Variants in TRERF1 observed in about 807,000 individuals in gnomAD.
TRERF1 encodes the protein transcriptional-regulating factor 1.
TRERF1 carries 27 observed loss-of-function variants against 122.9 expected under a neutral mutation model. That is an observed-to-expected ratio of 0.22 (90% confidence interval 0.16 to 0.30). The LOEUF (loss-of-function observed/expected upper bound fraction) is 0.30, where lower values mean the gene tolerates loss of function less well. TRERF1 is among the 10% of genes least tolerant of loss of function. The probability of loss-of-function intolerance (pLI) is 1.00; values close to 1 mark genes in which losing one functional copy is unlikely to be tolerated. For missense variants in TRERF1, 1,248 were observed against 1,560.3 expected (o/e 0.80, Z 3.37); for synonymous variants, 636 against 641.7 (o/e 0.99, Z 0.13).
chr6:42,360,770 T>TAAAAAAAAAAAAAAAAAAAAAAA lies in TRERF1; in HGVS notation c.-371+2226_-371+2227insTTTTTTTTTTTTTTTTTTTTTTT, dbSNP rs1491517636. 4.7e-5 allele frequency among the ~76,000 whole-genome samples: 3 copies of TAAAAAAAAAAAAAAAAAAAAAAA among 64,046 alleles called. 1 individual carries two copies. The highest frequency in any genetic ancestry group is 1.4e-4 in the African/African-American group (3 of 21,586). The allele number at this position is 64,046 out of a possible 152,430, so 42.0% of individuals were successfully genotyped here. ...ACCCAGGGAGGAAGGAGTGGAGAGA[T>TAAAAAAAAAAAAAAAAAAAAAAA]TAAAAAAAAAAAAAAAAAAAAAAAA... On this transcript the variant is annotated intron_variant, in intron 3 of 17. Transcript: ENST00000372922.
intron 4 of TRERF1, among the ~76,000 whole-genome samples, chr6:42,300,322 A>AT (rs1417118927): frequency 6.6e-6 from 1 of 151,964 alleles, no homozygotes; most frequent in Non-Finnish European, 1.5e-5. Flanking sequence ...TGTCTCAGAG[A>AT]TTTTTTCATT....
At position 42,380,656 on chromosome 6, in the gene TRERF1, AC is replaced by A. The variant is rs1471706585; in HGVS notation, c.-453-17578del. Among the ~76,000 whole-genome samples, 3 of 152,060 alleles carry A rather than the reference AC, an allele frequency of 2.0e-5. No individual in the cohort carries two copies. In the East Asian group the frequency reaches 5.8e-4, roughly 29 times the overall value. ...TTCAAGAAGCCCCCAGCAATTCCCC[AC>A]CGCCTGCCCCACCTTATAGCAATTT... is the stretch of plus-strand genomic sequence containing the variant. On this transcript the variant is annotated intron_variant, in intron 2 of 17. Transcript: ENST00000372922.
At chr6:42,251,299 T>C (rs1466215679) in intron 13 of TRERF1, among the ~76,000 whole-genome samples, 1 of 152,136 alleles carries the variant, frequency 6.6e-6, no homozygotes, top group African/African-American at 2.4e-5. Context: ...CCTGGACCCA[T>C]TGATGATGTT....
intron 4 of TRERF1, among the ~76,000 whole-genome samples, chr6:42,290,785 C>CATAATTGCA (rs1784193503): frequency 1.8e-5 from 2 of 111,946 alleles, no homozygotes; most frequent in Non-Finnish European, 3.3e-5. Context: ...GTAAAAAGCT[C>CATAATTGCA]ATAATTGCAT....
At chr6:42,439,156 T>C (rs1786022611) in intron 2 of TRERF1, among the ~76,000 whole-genome samples, 1 of 152,164 alleles carries the variant, frequency 6.6e-6, no homozygotes, top group South Asian at 2.1e-4. Context: ...TCCAACACTT[T>C]CCTAAGTAGT....
intron 3 of TRERF1, among the ~76,000 whole-genome samples, chr6:42,328,956 G>A (rs139711986): frequency 9.9e-4 from 150 of 152,208 alleles, no homozygotes; most frequent in African/African-American, 3.6e-3. Flanking sequence ...TAAGTGGGGA[G>A]GAAAGAGGCG....
intron 2 of TRERF1, among the ~76,000 whole-genome samples, chr6:42,435,760 G>A (rs750165206): frequency 1.1e-4 from 16 of 151,868 alleles, no homozygotes; most frequent in Non-Finnish European, 2.1e-4. Flanking sequence ...CAGATCACGA[G>A]GTCAAGAGAT....
chr6:42,424,738 T>C (rs567497300), intron 2 of TRERF1, among the ~76,000 whole-genome samples: 7 of 152,328 alleles, frequency 4.6e-5, no homozygotes, highest in African/African-American at 9.6e-5. Context: ...TGGAATCTCA[T>C]TGTGATTTGT....
In TRERF1 at chr6:42,301,687, C is replaced by T. The variant is rs190164941; in HGVS notation, c.-370-938G>A. Among the ~76,000 whole-genome samples, 4 of 152,338 alleles carry T rather than the reference C, an allele frequency of 2.6e-5. No homozygotes were observed. In the East Asian group the frequency reaches 5.8e-4, roughly 22 times the overall value. ...GATTCAACAGATTATTCTGTCAAAT[C>T]GGCATGAAAGTTACTAAGCACCGAC... On this transcript the variant is annotated intron_variant, in intron 3 of 17. Coordinates refer to ENST00000372922, the Ensembl canonical transcript of TRERF1.
rs183811047 is a variant in TRERF1 at position 42,320,191 on chromosome 6, A to G, written c.-370-19442T>C. ...TGGGATTACAGGCATGAGCCACCGC[A>G]CCCAGCCATAACTAAATTATATTAT... On this transcript the variant is annotated intron_variant, in intron 3 of 17. Coordinates refer to ENST00000372922, the Ensembl canonical transcript of TRERF1. Among the ~76,000 whole-genome samples the G allele has an allele frequency of 1.9e-3, 296 of 152,142 alleles. 2 individuals carry two copies. Among genetic ancestry groups the G allele is most frequent in the African/African-American group, 6.7e-3 (280 of 41,524 alleles).
At chr6:42,281,492 C>T (rs66647246) in intron 4 of TRERF1, among the ~76,000 whole-genome samples, 4,159 of 152,224 alleles carry the variant, frequency 0.027, 57 homozygotes, top group Non-Finnish European at 0.037. Context: ...CACTGTGCCA[C>T]GAGCAGTGTT....
At chr6:42,364,038 A>T (rs1434855282) in intron 2 of TRERF1, among the ~76,000 whole-genome samples, 1 of 152,226 alleles carries the variant, frequency 6.6e-6, no homozygotes, top group Non-Finnish European at 1.5e-5. Flanking sequence ...GTAGTATTTC[A>T]TCTGTATCAA....
intron 2 of TRERF1, among the ~76,000 whole-genome samples, chr6:42,363,684 C>T: frequency 6.6e-6 from 1 of 152,144 alleles, no homozygotes; most frequent in African/African-American, 2.4e-5. Flanking sequence ...AGACGAGGTC[C>T]TACTGAAGTA....
Position 42,232,282 on chromosome 6 carries a change from T to C in TRERF1, c.3278+399A>G, listed in dbSNP as rs1770714062. Among the ~76,000 whole-genome samples, 1 of 152,200 alleles carries C rather than the reference T, an allele frequency of 6.6e-6. No homozygotes were observed. The highest frequency in any genetic ancestry group is 1.5e-5 in the Non-Finnish European group (1 of 68,040). On this transcript the variant is annotated intron_variant, in intron 17 of 17. Coordinates refer to ENST00000372922, the Ensembl canonical transcript of TRERF1. The surrounding 1 kb of genome is among the most constrained non-coding windows in gnomAD (Gnocchi z 4.5). Reference sequence around the variant, plus strand: ...TGGTAGGATTACCCTGTATGAGCCATCTGTGTTACAGAGAGTTCCTGATTA... The same window carrying C: ...TGGTAGGATTACCCTGTATGAGCCACCTGTGTTACAGAGAGTTCCTGATTA...
Position 42,263,413 on chromosome 6 carries a change from G to A in TRERF1, c.1791C>T (p.Pro597=), listed in dbSNP as rs1778592205. 6.2e-7 allele frequency: 1 copy of A among 1,612,154 alleles called. No individual in the cohort carries two copies. The highest frequency in any genetic ancestry group is 1.7e-5 in the Admixed American group (1 of 59,636). Residue 597 remains proline, a synonymous_variant, in exon 8 of 18, where the codon CCC becomes CCT. Coordinates refer to ENST00000372922, the Ensembl canonical transcript of TRERF1. The surrounding 1 kb of genome is among the most constrained non-coding windows in gnomAD (Gnocchi z 5.6). Reference sequence around the variant, plus strand: ...TGCTGTTGGTGAACCCCTGAGAGCTGGGCTTGGGCGGGAGAAGCTTGACAG... The same window carrying A: ...TGCTGTTGGTGAACCCCTGAGAGCTAGGCTTGGGCGGGAGAAGCTTGACAG...
chr6:42,237,208 G>A (rs1389963587), intron 15 of TRERF1, among the ~76,000 whole-genome samples: 6 of 152,344 alleles, frequency 3.9e-5, no homozygotes, highest in Admixed American at 2.0e-4. Context: ...CAGCCATGTG[G>A]AGAATTAAGC....
At chr6:42,319,928 G>A (rs901320291) in intron 3 of TRERF1, among the ~76,000 whole-genome samples, 1 of 151,510 alleles carries the variant, frequency 6.6e-6, no homozygotes, top group African/African-American at 2.4e-5. Context: ...TTGAGATGGA[G>A]TCTCACTTTG....
chr6:42,299,145 T>G (rs936423058), intron 4 of TRERF1, among the ~76,000 whole-genome samples: 1 of 151,440 alleles, frequency 6.6e-6, no homozygotes, highest in Non-Finnish European at 1.5e-5. Context: ...TACATATATA[T>G]ATATATCTAG....
At chr6:42,297,495 G>A (rs910041170) in intron 4 of TRERF1, among the ~76,000 whole-genome samples, 1 of 152,132 alleles carries the variant, frequency 6.6e-6, no homozygotes, top group African/African-American at 2.4e-5. Flanking sequence ...ACTTCAAATG[G>A]CTCCACTCCA....
Sources: allele counts gnomAD v4.1 joint callset (sites outside exome capture counted in the v4.1 genomes callset), GRCh38; gene constraint gnomAD v4.1.1; non-coding constraint Gnocchi (gnomAD v3.1); transcripts MANE v1.5; gene names NCBI Gene and HGNC (gene_info 2026-07-23, HGNC 2026-07-21).